Variants in MAST4 observed in about 807,000 individuals in gnomAD.
MAST4 encodes the protein microtubule-associated serine/threonine-protein kinase 4.
A neutral mutation model predicts 162.7 loss-of-function variants in MAST4; 89 were observed. That is an observed-to-expected ratio of 0.55 (90% CI 0.46 to 0.65). MAST4 has a LOEUF of 0.65. Ranked by LOEUF, MAST4 falls within the 30% of genes least tolerant of loss-of-function variation. The pLI is 0.00. For missense variants in MAST4, 3,153 were observed against 3,374.0 expected (o/e 0.93, Z 1.62); for synonymous variants, 1,479 against 1,361.1 (o/e 1.09, Z -1.91).
At chr5:66,694,869 T>C (rs1350566480) in intron 1 of MAST4, among the ~76,000 whole-genome samples, 1 of 152,168 alleles carries the variant, frequency 6.6e-6, no homozygotes, top group Non-Finnish European at 1.5e-5. Flanking sequence ...CCATGTTTAA[T>C]GCCTTTTTTT....
At chr5:66,737,043 G>A (rs1337398867) in intron 1 of MAST4, among the ~76,000 whole-genome samples, 3 of 152,204 alleles carry the variant, frequency 2.0e-5, no homozygotes, top group Admixed American at 6.5e-5. Flanking sequence ...TGATATAGCA[G>A]TTACCTTTTC....
intron 4 of MAST4, among the ~76,000 whole-genome samples, chr5:66,960,977 C>T (rs1745942975): frequency 6.6e-6 from 1 of 152,144 alleles, no homozygotes; most frequent in Non-Finnish European, 1.5e-5. Context: ...ATCCTCTTAT[C>T]TTGGTAAATA....
intron 5 of MAST4, among the ~76,000 whole-genome samples, chr5:67,062,306 G>C (rs1455795874): frequency 6.6e-6 from 1 of 152,076 alleles, no homozygotes; most frequent in Admixed American, 6.5e-5. Flanking sequence ...GCTGAGGTAG[G>C]AGAATCGCTT....
At chr5:66,844,815 G>T (rs1580623610) in intron 3 of MAST4, among the ~76,000 whole-genome samples, 1 of 152,112 alleles carries the variant, frequency 6.6e-6, no homozygotes, top group East Asian at 1.9e-4. Context: ...GGCATCAGTG[G>T]TTGAGTTTGG....
chr5:67,165,388 A>T lies in MAST4; in HGVS notation c.6209A>T (p.Lys2070Met). Residue 2070 changes from lysine (K) to methionine (M), a missense_variant, in exon 29 of 29, where the codon AAG becomes ATG. Physicochemically the swap from Lys to Met is moderately conservative, Grantham distance 95. This residue lies in a region of MAST4 where 1,644 missense variants were observed against 1,495.0 expected (regional missense o/e 1.10). Coordinates refer to ENST00000403625, the MANE Select transcript of MAST4 (RefSeq NM_001164664.2). ...SLHSAGIPCEKELGKVRRGVE... is the reference protein window; with the variant it reads ...SLHSAGIPCEMELGKVRRGVE... The stretch of plus-strand genomic sequence containing the variant: ...CACTCAGCTGGAATTCCCTGTGAGA[A>T]GGAGCTGGGCAAGGTGAGGCGTGGC... The T allele has an allele frequency of 6.2e-7, 1 of 1,613,780 alleles. No individual in the cohort carries two copies. Among genetic ancestry groups the T allele is most frequent in the Non-Finnish European group, 8.5e-7 (1 of 1,179,834 alleles).
At chr5:67,125,154 A>C (rs1454688803) in intron 14 of MAST4, among the ~76,000 whole-genome samples, 1 of 152,192 alleles carries the variant, frequency 6.6e-6, no homozygotes, top group Non-Finnish European at 1.5e-5. Flanking sequence ...GGCAAGCTAT[A>C]AAAGAAAGAT....
At chr5:66,618,592 A>G (rs930250387) in intron 1 of MAST4, among the ~76,000 whole-genome samples, 2 of 152,156 alleles carry the variant, frequency 1.3e-5, no homozygotes, top group African/African-American at 4.8e-5. Flanking sequence ...ACAGAACTAA[A>G]CACTTCCCTC....
intron 2 of MAST4, among the ~76,000 whole-genome samples, chr5:66,780,517 G>C (rs966892678): frequency 2.0e-5 from 3 of 152,156 alleles, no homozygotes; most frequent in African/African-American, 4.8e-5. Context: ...CCTTCGTGGC[G>C]AGTGTTACAG....
intron 3 of MAST4, among the ~76,000 whole-genome samples, chr5:66,826,072 A>G (rs1757239607): frequency 1.3e-5 from 2 of 152,052 alleles, no homozygotes; most frequent in Non-Finnish European, 2.9e-5. Flanking sequence ...AAACGTAGCA[A>G]TTTTCCTTTT....
chr5:66,852,049 C>A (rs1759352319), intron 3 of MAST4, among the ~76,000 whole-genome samples: 1 of 152,160 alleles, frequency 6.6e-6, no homozygotes, highest in African/African-American at 2.4e-5. Flanking sequence ...ATATAATAAT[C>A]TACCATGTTA....
In MAST4 at chr5:67,165,061, C is replaced by T. The variant is rs748314277; in HGVS notation, c.5882C>T (p.Ala1961Val). The change falls in exon 29 of 29, where the codon GCT becomes GTT. Residue 1961 changes from alanine (A) to valine (V), a missense_variant. Around this residue, in one of 7 missense-constraint regions of MAST4, gnomAD observed 1,644 missense variants for 1,495.0 expected, o/e 1.10. Transcript: ENST00000403625. ...CCACGCTGCCCGCTCCCACCTGAAG[C>T]TTCCCCCTCAAGGGAGAAGCCAGGC... is the stretch of plus-strand genomic sequence containing the variant. ...ARPRCPLPPE[A>V]SPSREKPGLR... 1.2e-6 allele frequency: 2 copies of T among 1,603,404 alleles called. No individual in the cohort carries two copies. Among genetic ancestry groups the T allele is most frequent in the Non-Finnish European group, 1.7e-6 (2 of 1,175,056 alleles).
chr5:67,103,950 G>C (rs1442969438), intron 9 of MAST4, among the ~76,000 whole-genome samples: 1 of 152,220 alleles, frequency 6.6e-6, no homozygotes, highest in African/African-American at 2.4e-5. Flanking sequence ...AGAAAAGGGA[G>C]ATTATCATTC....
chr5:66,995,156 AAAGACTT>A (rs1339279984), intron 4 of MAST4, among the ~76,000 whole-genome samples: 1 of 109,154 alleles, frequency 9.2e-6, no homozygotes, highest in Non-Finnish European at 2.2e-5. Context: ...TGAGAGTAGG[AAAGACTT>A]CTTTTTAAAA....
At chr5:67,121,428 A>G (rs1581634891) in intron 14 of MAST4, among the ~76,000 whole-genome samples, 1 of 141,114 alleles carries the variant, frequency 7.1e-6, no homozygotes, top group South Asian at 2.2e-4. Context: ...TGAAATATAT[A>G]TGTATATATT....
intron 4 of MAST4, among the ~76,000 whole-genome samples, chr5:67,025,266 C>G (rs1040011954): frequency 1.3e-5 from 2 of 152,004 alleles, no homozygotes; most frequent in African/African-American, 4.8e-5. Context: ...CATCAGATAT[C>G]AAGATCTAGA....
chr5:67,054,921 G>A (rs560748830), intron 5 of MAST4, among the ~76,000 whole-genome samples: 1 of 152,118 alleles, frequency 6.6e-6, no homozygotes, highest in South Asian at 2.1e-4. Flanking sequence ...TTAAGAGAGA[G>A]CCTTTGGCCT....
chr5:66,744,275 C>T (rs1015350100), intron 1 of MAST4, among the ~76,000 whole-genome samples: 2 of 152,082 alleles, frequency 1.3e-5, no homozygotes, highest in Admixed American at 6.5e-5. Flanking sequence ...GCTGATAATT[C>T]GTGACTCATG....
intron 3 of MAST4, among the ~76,000 whole-genome samples, chr5:66,886,476 T>A (rs1022488500): frequency 9.2e-5 from 14 of 152,054 alleles, no homozygotes; most frequent in African/African-American, 3.1e-4. Context: ...TCCTTTGTTC[T>A]AACGTCGATT....
chr5:66,632,061 T>G (rs967910851), intron 1 of MAST4, among the ~76,000 whole-genome samples: 1 of 152,168 alleles, frequency 6.6e-6, no homozygotes, highest in Non-Finnish European at 1.5e-5. Context: ...AATCATAACA[T>G]TTTTCTCCTT....
Sources: gnomAD v4.1 joint callset for allele counts (sites outside exome capture counted in the v4.1 genomes callset) on GRCh38, gnomAD v4.1.1 for gene constraint, gnomAD v4.1.1 regional missense constraint, MANE v1.5 for transcripts, NCBI Gene and HGNC (gene_info 2026-07-23, HGNC 2026-07-21) for gene names.